The following CDKAL1 variants were observed in gnomAD, a reference collection of about 807,000 sequenced individuals.
CDKAL1 encodes the protein threonylcarbamoyladenosine tRNA methylthiotransferase.
CDKAL1 carries 32 observed loss-of-function variants against 68.2 expected under a neutral mutation model. The observed-to-expected ratio is 0.47, with a 90% CI of 0.35 to 0.63. The LOEUF (loss-of-function observed/expected upper bound fraction) is 0.63. Among genes scored for constraint, CDKAL1 ranks in the 30% least tolerant of loss-of-function variants. The pLI is 0.00. For synonymous variants in CDKAL1, 234 were observed against 244.3 expected (o/e 0.96, Z 0.39); for missense variants, 606 against 696.7 (o/e 0.87, Z 1.47).
chr6:21,207,319 A>G (rs4291091), intron 15 of CDKAL1, among the ~76,000 whole-genome samples: 90,907 of 151,750 alleles, frequency 0.6, 27,357 homozygotes, highest in African/African-American at 0.65. Context: ...CTTGACCCCA[A>G]GGTTTAAGAA....
At chr6:21,157,126 A>C (rs1776686174) in intron 13 of CDKAL1, among the ~76,000 whole-genome samples, 1 of 152,196 alleles carries the variant, frequency 6.6e-6, no homozygotes, top group Non-Finnish European at 1.5e-5. Context: ...TCCCTGCTCT[A>C]TCACTTATGA....
At chr6:21,160,778 G>A (rs1776892096) in intron 13 of CDKAL1, among the ~76,000 whole-genome samples, 2 of 150,980 alleles carry the variant, frequency 1.3e-5, no homozygotes, top group African/African-American at 4.9e-5. Flanking sequence ...GTATACATGT[G>A]CCATGGTGGT....
chr6:21,008,972 C>T (rs979074943), intron 11 of CDKAL1, among the ~76,000 whole-genome samples: 3 of 152,196 alleles, frequency 2.0e-5, no homozygotes, highest in African/African-American at 4.8e-5. Flanking sequence ...TGTGGACCCC[C>T]GCTGGCTAAT....
At chr6:21,054,628 C>T (rs1227113048) in intron 11 of CDKAL1, among the ~76,000 whole-genome samples, 2 of 152,074 alleles carry the variant, frequency 1.3e-5, no homozygotes, top group Non-Finnish European at 2.9e-5. Context: ...TAATTTCTCT[C>T]ATCAAGTTTT....
intron 2 of CDKAL1, among the ~76,000 whole-genome samples, chr6:20,542,778 G>T (rs1005368347): frequency 3.3e-5 from 5 of 152,084 alleles, no homozygotes; most frequent in African/African-American, 1.2e-4. Context: ...TCATCACAAG[G>T]ATTCCTCATG....
chr6:21,108,028 GC>G (rs1177726296), intron 12 of CDKAL1, among the ~76,000 whole-genome samples: 1 of 152,222 alleles, frequency 6.6e-6, no homozygotes, highest in African/African-American at 2.4e-5. Context: ...CTGAGTAACA[GC>G]AGTTGGTATT....
chr6:20,683,099 A>G (rs1467887873), intron 5 of CDKAL1, among the ~76,000 whole-genome samples: 1 of 152,116 alleles, frequency 6.6e-6, no homozygotes, highest in Non-Finnish European at 1.5e-5. Flanking sequence ...AGTAGCTGGA[A>G]CTACAGGTGC....
Position 21,200,777 on chromosome 6 carries a change from T to A in CDKAL1, c.1384-333T>A, listed in dbSNP as rs183133818. The stretch of plus-strand genomic sequence containing the variant: ...CCAGGAGCCCCTCCCAGGAGTGCCT[T>A]TCCTTCCTGCAGGCTCTGCAGACCC... On this transcript the variant is annotated intron_variant, in intron 14 of 15. Coordinates refer to ENST00000274695, the MANE Select transcript of CDKAL1 (RefSeq NM_017774.3). 3.9e-3 allele frequency: 682 copies of A among 172,690 alleles called. 3 individuals carry two copies. The highest frequency in any genetic ancestry group is 0.013 in the African/African-American group (562 of 42,090). The allele number at this position is 172,690 out of a possible 1,614,324, so 10.7% of individuals were successfully genotyped here.
intron 4 of CDKAL1, among the ~76,000 whole-genome samples, chr6:20,645,105 C>CTT (rs1477070600): frequency 6.6e-6 from 1 of 152,066 alleles, no homozygotes; most frequent in African/African-American, 2.4e-5. Context: ...GTGCACCTGT[C>CTT]TAAGACACTT....
At chr6:20,977,629 G>A (rs775890907) in intron 10 of CDKAL1, among the ~76,000 whole-genome samples, 1 of 152,174 alleles carries the variant, frequency 6.6e-6, no homozygotes, top group Non-Finnish European at 1.5e-5. Flanking sequence ...TGTAATCCCA[G>A]CAATTTGGGA....
At chr6:20,570,769 A>T (rs768338324) in intron 4 of CDKAL1, among the ~76,000 whole-genome samples, 47 of 152,180 alleles carry the variant, frequency 3.1e-4, no homozygotes, top group Non-Finnish European at 6.5e-4. Context: ...TAGAAGGAAA[A>T]TCCTGAATTC....
At chr6:21,095,686 G>A (rs1773281676) in intron 12 of CDKAL1, among the ~76,000 whole-genome samples, 1 of 151,248 alleles carries the variant, frequency 6.6e-6, no homozygotes, top group South Asian at 2.1e-4. Context: ...CTATCTCTGT[G>A]TAGTATCCCT....
chr6:20,790,032 G>A (rs576615946), intron 8 of CDKAL1, among the ~76,000 whole-genome samples: 12 of 152,154 alleles, frequency 7.9e-5, no homozygotes, highest in Non-Finnish European at 1.8e-4. Context: ...CTGGCTTCAA[G>A]CAATCCTCCT....
At chr6:20,755,004 A>G (rs1284292431) in intron 6 of CDKAL1, among the ~76,000 whole-genome samples, 1 of 152,170 alleles carries the variant, frequency 6.6e-6, no homozygotes, top group Non-Finnish European at 1.5e-5. Context: ...ATGGCTTCTT[A>G]TTCAGTCCAT....
chr6:20,961,722 G>T (rs568574202), intron 10 of CDKAL1, among the ~76,000 whole-genome samples: 1 of 149,668 alleles, frequency 6.7e-6, no homozygotes, highest in African/African-American at 2.5e-5. Flanking sequence ...AGCTGAGATC[G>T]CACCACCGCA....
chr6:20,626,459 T>C (rs972471170), intron 4 of CDKAL1, among the ~76,000 whole-genome samples: 9 of 152,176 alleles, frequency 5.9e-5, no homozygotes, highest in Admixed American at 5.9e-4. Context: ...ACATGTAATG[T>C]CATGAATATA....
chr6:20,552,332 G>A (rs1034252394), intron 4 of CDKAL1, among the ~76,000 whole-genome samples: 1 of 151,738 alleles, frequency 6.6e-6, no homozygotes, highest in African/African-American at 2.4e-5. Context: ...GGGCAACAGA[G>A]TGAGATCCTA....
intron 14 of CDKAL1, among the ~76,000 whole-genome samples, chr6:21,199,672 A>G (rs1183729802): frequency 1.3e-5 from 2 of 152,218 alleles, no homozygotes; most frequent in African/African-American, 4.8e-5. Context: ...TGAGCCCTTC[A>G]TTCAGATCAA....
At chr6:20,781,343 A>G (rs1267573641) in intron 8 of CDKAL1, 78 bp downstream of exon 8, 2 of 1,258,178 alleles carry the variant, frequency 1.6e-6, no homozygotes, top group African/African-American at 3.0e-5. Context: ...GACATGTGAC[A>G]TAGAAAAGTA....
Sources: allele counts gnomAD v4.1 joint callset (sites outside exome capture counted in the v4.1 genomes callset), GRCh38; gene constraint gnomAD v4.1.1; transcripts MANE v1.5; gene names NCBI Gene and HGNC (gene_info 2026-07-23, HGNC 2026-07-21).